Variants in HIBADH observed in about 807,000 individuals in gnomAD.
The protein encoded by HIBADH is 3-hydroxyisobutyrate dehydrogenase, mitochondrial.
Under a neutral mutation model 36.1 loss-of-function variants are expected in HIBADH, and 25 were observed. The ratio of observed to expected loss-of-function variants is 0.69; its 90% CI spans 0.50 to 0.97. The LOEUF is 0.97. HIBADH is among the 50% of genes least tolerant of loss of function. The pLI is 0.00. For synonymous variants in HIBADH, 160 were observed against 149.5 expected (o/e 1.07, Z -0.51); for missense variants, 421 against 418.0 (o/e 1.01, Z -0.06).
intron 4 of HIBADH, 26 bp from the exon 5 acceptor site, chr7:27,543,126 A>G (rs1220685631): frequency 1.2e-6 from 2 of 1,609,736 alleles, no homozygotes; most frequent in Admixed American, 1.7e-5. Context: ...GTAAAGGGAT[A>G]GAAGCAAAAG....
chr7:27,634,758 G>A (rs905761111), intron 2 of HIBADH, among the ~76,000 whole-genome samples: 12 of 152,194 alleles, frequency 7.9e-5, no homozygotes, highest in African/African-American at 2.9e-4. Flanking sequence ...GAGGGGCCCT[G>A]AAGGGCACCA....
chr7:27,620,616 C>T (rs1055974809), intron 4 of HIBADH, among the ~76,000 whole-genome samples: 23 of 152,100 alleles, frequency 1.5e-4, no homozygotes, highest in Non-Finnish European at 2.6e-4. Flanking sequence ...TCAAGGAATT[C>T]ATTACCACTA....
chr7:27,636,944 A>G (rs1410563602), intron 2 of HIBADH, among the ~76,000 whole-genome samples: 4 of 152,196 alleles, frequency 2.6e-5, no homozygotes, highest in South Asian at 2.1e-4. Flanking sequence ...ATATGTCTAC[A>G]TATCACTTCT....
At chr7:27,651,128 G>A (rs1282457475) in intron 1 of HIBADH, among the ~76,000 whole-genome samples, 1 of 152,068 alleles carries the variant, frequency 6.6e-6, no homozygotes, top group Non-Finnish European at 1.5e-5. Flanking sequence ...TAAGTTTCAG[G>A]TCCCCTCAAC....
chr7:27,652,735 GTC>G (rs1786219667), intron 1 of HIBADH, among the ~76,000 whole-genome samples: 1 of 152,138 alleles, frequency 6.6e-6, no homozygotes, highest in South Asian at 2.1e-4. Flanking sequence ...CCACTCTCAT[GTC>G]TCTCTGTACA....
In HIBADH at chr7:27,637,311, A is replaced by G. The variant is rs575513112; in HGVS notation, c.253-4866T>C. On this transcript the variant is annotated intron_variant, in intron 2 of 7. Coordinates refer to ENST00000265395, the MANE Select transcript of HIBADH (RefSeq NM_152740.4). ...CCCAGACAGTTTGGTTCCGGGGTTT[A>G]TATTTTTAAATCACTGCATTCGCAA... 4.3e-4 allele frequency among the ~76,000 whole-genome samples: 65 copies of G among 152,354 alleles called. No homozygotes were observed. In the South Asian group the frequency reaches 5.2e-3, roughly 12 times the overall value.
chr7:27,578,893 A>C (rs1054573045), intron 4 of HIBADH, among the ~76,000 whole-genome samples: 1 of 152,174 alleles, frequency 6.6e-6, no homozygotes, highest in Non-Finnish European at 1.5e-5. Flanking sequence ...TCTATATGGT[A>C]ACCAGAAAGA....
chr7:27,612,105 A>G (rs1222329946), intron 4 of HIBADH, among the ~76,000 whole-genome samples: 1 of 152,110 alleles, frequency 6.6e-6, no homozygotes, highest in Admixed American at 6.5e-5. Context: ...TTAAAGCCTT[A>G]TCCCTAGTGC....
chr7:27,542,379 T>C (rs1229613972), intron 5 of HIBADH, among the ~76,000 whole-genome samples: 1 of 151,820 alleles, frequency 6.6e-6, no homozygotes, highest in Non-Finnish European at 1.5e-5. Flanking sequence ...TTAAGGATGA[T>C]TTCACTAGTT....
chr7:27,630,403 A>T (rs1785726808), intron 3 of HIBADH, among the ~76,000 whole-genome samples: 1 of 152,218 alleles, frequency 6.6e-6, no homozygotes, highest in African/African-American at 2.4e-5. Flanking sequence ...AGTCTCCCAA[A>T]GTGGTGGGAT....
chr7:27,632,820 A>T (rs533842362), intron 2 of HIBADH, among the ~76,000 whole-genome samples: 4 of 152,252 alleles, frequency 2.6e-5, no homozygotes, highest in African/African-American at 9.6e-5. Context: ...ATATTCTAGT[A>T]CAACAACGCT....
chr7:27,616,188 A>T (rs1345559029), intron 4 of HIBADH, among the ~76,000 whole-genome samples: 1 of 152,114 alleles, frequency 6.6e-6, no homozygotes, highest in Non-Finnish European at 1.5e-5. Context: ...AAGGGGCCAG[A>T]CTCATTTTAA....
intron 4 of HIBADH, among the ~76,000 whole-genome samples, chr7:27,555,256 G>A (rs773760983): frequency 6.6e-6 from 1 of 150,434 alleles, no homozygotes; most frequent in Non-Finnish European, 1.5e-5. Flanking sequence ...CTGTTCTTCC[G>A]GTTTCATGAG....
chr7:27,654,702 T>TA (rs1395200445), intron 1 of HIBADH, among the ~76,000 whole-genome samples: 1 of 151,174 alleles, frequency 6.6e-6, no homozygotes, highest in Non-Finnish European at 1.5e-5. Flanking sequence ...TTTGTGTTTT[T>TA]TTTTTGGACA....
chr7:27,572,860 ATTAACT>A (rs775982550), intron 4 of HIBADH, among the ~76,000 whole-genome samples: 4 of 151,778 alleles, frequency 2.6e-5, no homozygotes, highest in Non-Finnish European at 5.9e-5. Flanking sequence ...GCATTATAAA[ATTAACT>A]TTAATACACA....
intron 4 of HIBADH, 94 bp from the exon 5 acceptor site, chr7:27,543,194 A>AT: frequency 7.8e-7 from 1 of 1,274,596 alleles, no homozygotes; most frequent in African/African-American, 1.5e-5. Context: ...AACTAAAAAC[A>AT]TCCTGCCTCC....
chr7:27,598,707 T>C (rs1166282982), intron 4 of HIBADH, among the ~76,000 whole-genome samples: 2 of 151,966 alleles, frequency 1.3e-5, no homozygotes, highest in Admixed American at 6.5e-5. Flanking sequence ...TCCAAACACT[T>C]TCCCAAAAAA....
At chr7:27,635,114 T>G (rs1199918199) in intron 2 of HIBADH, among the ~76,000 whole-genome samples, 1 of 89,358 alleles carries the variant, frequency 1.1e-5, no homozygotes, top group Admixed American at 1.1e-4. Flanking sequence ...GTGTGTGTAT[T>G]TGGTACATCC....
chr7:27,644,370 C>T (rs921768765), intron 2 of HIBADH, among the ~76,000 whole-genome samples: 28 of 151,896 alleles, frequency 1.8e-4, no homozygotes, highest in African/African-American at 6.1e-4. Context: ...GAGGCCAAGG[C>T]GGGTGGATCA....
Sources: gnomAD v4.1 joint callset for allele counts (sites outside exome capture counted in the v4.1 genomes callset) on GRCh38, gnomAD v4.1.1 for gene constraint, MANE v1.5 for transcripts, NCBI Gene and HGNC (gene_info 2026-07-23, HGNC 2026-07-21) for gene names.